The following MTRF1L variants were observed in gnomAD, a reference collection of about 807,000 sequenced individuals.
MTRF1L encodes the protein peptide chain release factor 1-like, mitochondrial.
Under a neutral mutation model 40.0 loss-of-function variants are expected in MTRF1L, and 29 were observed. That is an observed-to-expected ratio of 0.73 (90% CI 0.54 to 0.99). The LOEUF (loss-of-function observed/expected upper bound fraction) is 0.99, where lower values mean the gene tolerates loss of function less well. Ranked by LOEUF, MTRF1L falls within the 50% of genes least tolerant of loss-of-function variation. The pLI, the probability that MTRF1L is intolerant of heterozygous loss-of-function variation, is 0.00. For synonymous variants in MTRF1L, 150 were observed against 175.8 expected, an observed-to-expected ratio of 0.85 and a Z score of 1.16; for missense variants, 412 against 464.5, an observed-to-expected ratio of 0.89 and a Z score of 1.04.
chr6:153,002,337 G>A, intron 1 of MTRF1L, 90 bp downstream of exon 1: 1 of 1,595,522 alleles, frequency 6.3e-7, no homozygotes, highest in South Asian at 1.1e-5. Flanking sequence ...TGAGTAAAGA[G>A]TTTCAAACTC....
rs1040961759 is a variant in MTRF1L, at chr6:152,995,363, A to C, written c.340-44T>G. 3 of 1,428,044 alleles carry C rather than the reference A, an allele frequency of 2.1e-6. No individual in the cohort carries two copies. In the South Asian group the frequency reaches 4.2e-5, roughly 20 times the overall value. 88.5% of individuals were successfully genotyped at this position (1,428,044 alleles called of 1,614,324 possible). On this transcript the variant is annotated intron_variant, in intron 2 of 6. Transcript: ENST00000367233. The stretch of plus-strand genomic sequence containing the variant: ...CACCCCTCCTATAATTAAGATTTAA[A>C]ATTTATCAAAAAATAAAAAGCTAAA...
At chr6:152,995,022 G>C in intron 3 of MTRF1L, 114 bp downstream of exon 3, 1 of 975,886 alleles carries the variant, frequency 1.0e-6, no homozygotes, top group South Asian at 1.9e-5. Context: ...TTAGGTAAAT[G>C]ATGAGCATAA....
In MTRF1L at chr6:152,989,702, C is replaced by T; in HGVS notation, c.*193G>A. 1.7e-6 allele frequency: 1 copy of T among 591,768 alleles called. No individual in the cohort carries two copies. The highest frequency in any genetic ancestry group is 2.6e-5 in the South Asian group (1 of 38,758). 36.7% of individuals were successfully genotyped at this position (591,768 alleles called of 1,614,324 possible). A position where few individuals can be genotyped will look rare whatever the true frequency, so the allele number is the denominator to read the frequency against. On this transcript the variant is annotated 3_prime_UTR_variant, in exon 7 of 7. Transcript: ENST00000367233. The stretch of plus-strand genomic sequence containing the variant: ...ATTAACCACAATGTAAATCGAGGAC[C>T]ATCTGTATATTGTATGATTTTTGCT...
rs1376137816 is a variant in MTRF1L, at chr6:152,992,990, G to A, written c.688-16C>T. 1.2e-5 allele frequency: 20 copies of A among 1,601,594 alleles called. No homozygotes were observed. Among genetic ancestry groups the A allele is most frequent in the Admixed American group, 1.7e-5 (1 of 59,862 alleles). On this transcript the variant is annotated splice_polypyrimidine_tract_variant and intron_variant, in intron 4 of 6. Coordinates refer to ENST00000367233, the MANE Select transcript of MTRF1L (RefSeq NM_019041.7). ...CCAGATTAATCTATACAGAAGAAAAGTTGGGATTTTAAAAGATTACATGTA... is the reference window on the plus strand; with the variant it reads ...CCAGATTAATCTATACAGAAGAAAAATTGGGATTTTAAAAGATTACATGTA...
chr6:153,002,673 C>A lies in MTRF1L; in HGVS notation c.13G>T (p.Val5Phe). 1.3e-6 allele frequency: 2 copies of A among 1,490,746 alleles called. No individual in the cohort carries two copies. Among genetic ancestry groups the A allele is most frequent in the Non-Finnish European group, 1.8e-6 (2 of 1,125,444 alleles). 92.3% of individuals were successfully genotyped at this position (1,490,746 alleles called of 1,614,324 possible). A position where few individuals can be genotyped will look rare whatever the true frequency, so the allele number is the denominator to read the frequency against. The change falls in exon 1 of 7, where the codon GTT becomes TTT. Residue 5 changes from valine (V) to phenylalanine (F), a missense_variant. Physicochemically the swap from Val to Phe is conservative, Grantham distance 50. Transcript: ENST00000367233. MRSRVLWGAARWLWP... is the reference protein window; with the variant it reads MRSRFLWGAARWLWP... ...AGCCACCGGGCAGCGCCCCACAGAA[C>A]CCGGGACCGCATCCTTAGTCCGAGA...
At chr6:152,991,442 C>A in intron 5 of MTRF1L, 121 bp from the exon 6 acceptor site, 1 of 1,174,242 alleles carries the variant, frequency 8.5e-7, no homozygotes. Context: ...AAACAGAGGA[C>A]TCTAATAAAA....
At chr6:152,998,068 T>A (rs1164720467) in intron 2 of MTRF1L, among the ~76,000 whole-genome samples, 1 of 150,834 alleles carries the variant, frequency 6.6e-6, no homozygotes, top group Non-Finnish European at 1.5e-5. Flanking sequence ...TATATATATA[T>A]TTTTTTATCT....
chr6:152,992,192 C>T (rs1396146355), intron 5 of MTRF1L, among the ~76,000 whole-genome samples: 1 of 152,208 alleles, frequency 6.6e-6, no homozygotes, highest in East Asian at 1.9e-4. Context: ...AGATCAGTCA[C>T]AGTAAGAGAT....
intron 5 of MTRF1L, 105 bp downstream of exon 5, chr6:152,992,752 G>C: frequency 1.2e-6 from 1 of 807,296 alleles, no homozygotes; most frequent in South Asian, 1.7e-5. Context: ...ATCCTTAGAA[G>C]TATATACTTC....
chr6:152,989,690 T>C lies in MTRF1L; in HGVS notation c.*205A>G, dbSNP rs145453645. 3.2e-3 allele frequency: 1,831 copies of C among 578,624 alleles called. 22 individuals carry two copies. Among genetic ancestry groups the C allele is most frequent in the African/African-American group, 0.019 (1,006 of 52,436 alleles). 35.8% of individuals were successfully genotyped at this position (578,624 alleles called of 1,614,324 possible). ...GGTTTATTGGGAATTAACCACAATG[T>C]AAATCGAGGACCATCTGTATATTGT... On this transcript the variant is annotated 3_prime_UTR_variant, in exon 7 of 7. Coordinates refer to ENST00000367233, the MANE Select transcript of MTRF1L (RefSeq NM_019041.7).
At chr6:152,994,432 T>A in intron 4 of MTRF1L, 81 bp downstream of exon 4, 1 of 1,384,374 alleles carries the variant, frequency 7.2e-7, no homozygotes, top group South Asian at 1.6e-5. Context: ...GATACTCAAT[T>A]CAGTAAACTC....
intron 1 of MTRF1L, among the ~76,000 whole-genome samples, chr6:153,001,583 C>A (rs1047030046): frequency 1.3e-5 from 2 of 152,180 alleles, no homozygotes; most frequent in African/African-American, 2.4e-5. Flanking sequence ...TTTATACTTT[C>A]ATCTTAATTA....
chr6:152,995,480 T>C (rs1778686321), intron 2 of MTRF1L, among the ~76,000 whole-genome samples, 161 bp from the exon 3 acceptor site: 1 of 152,202 alleles, frequency 6.6e-6, no homozygotes, highest in South Asian at 2.1e-4. Context: ...TAGAACTGTA[T>C]AATGTGTAAC....
intron 4 of MTRF1L, 82 bp from the exon 5 acceptor site, chr6:152,993,056 C>T (rs2129098285): frequency 3.2e-6 from 3 of 935,140 alleles, no homozygotes; most frequent in East Asian, 2.4e-5. Flanking sequence ...TATGAATATA[C>T]AACATGTACA....
In MTRF1L at chr6:153,002,426, C is replaced by G. The variant is rs746443390; in HGVS notation, c.259+1G>C. ...GCCTCTCCCCCGGGCCCGACCCTTA[C>G]CGTGCAGCAAGTGCTCAGTCTCCCG... is the stretch of plus-strand genomic sequence containing the variant. On this transcript the variant is annotated splice_donor_variant, in intron 1 of 6. Coordinates refer to ENST00000367233, the MANE Select transcript of MTRF1L (RefSeq NM_019041.7). LOFTEE classifies it high-confidence loss of function. 1 of 1,613,956 alleles carries G rather than the reference C, an allele frequency of 6.2e-7. No individual in the cohort carries two copies.
At chr6:152,991,058 T>A (rs1346573918) in intron 6 of MTRF1L, 127 bp downstream of exon 6, 1 of 595,356 alleles carries the variant, frequency 1.7e-6, no homozygotes, top group East Asian at 3.1e-5. Flanking sequence ...AGGATAGCCC[T>A]TAGACTACTT....
chr6:153,000,037 G>C (rs1264817998), intron 1 of MTRF1L, among the ~76,000 whole-genome samples: 1 of 152,182 alleles, frequency 6.6e-6, no homozygotes, highest in Non-Finnish European at 1.5e-5. Flanking sequence ...CAAGCATATG[G>C]TATGGAAGAA....
intron 5 of MTRF1L, among the ~76,000 whole-genome samples, chr6:152,991,609 C>T (rs1280468589): frequency 2.6e-5 from 4 of 152,154 alleles, no homozygotes; most frequent in African/African-American, 4.8e-5. Flanking sequence ...TGCAGTGGCG[C>T]GATCTCGGCT....
At position 152,989,276 on chromosome 6, in the gene MTRF1L, A is replaced by G. The variant is rs1778421663; in HGVS notation, c.*619T>C. On this transcript the variant is annotated 3_prime_UTR_variant, in exon 7 of 7. Coordinates refer to ENST00000367233, the MANE Select transcript of MTRF1L (RefSeq NM_019041.7). Reference sequence around the variant, plus strand: ...GGTATGGTTTCTGTATCCTGACTGGATATTAGGATACAGTATTTACTGTCT... The same window carrying G: ...GGTATGGTTTCTGTATCCTGACTGGGTATTAGGATACAGTATTTACTGTCT... The G allele has an allele frequency of 1.7e-5, 1 of 58,482 alleles. No individual in the cohort carries two copies. Among genetic ancestry groups the G allele is most frequent in the Non-Finnish European group, 2.8e-5 (1 of 35,316 alleles). The allele number at this position is 58,482 out of a possible 1,614,324, so 3.6% of individuals were successfully genotyped here.
Sources: gnomAD v4.1 joint callset for allele counts (sites outside exome capture counted in the v4.1 genomes callset) on GRCh38, gnomAD v4.1.1 for gene constraint, MANE v1.5 for transcripts, NCBI Gene and HGNC (gene_info 2026-07-23, HGNC 2026-07-21) for gene names.